The following SGCZ variants were observed in gnomAD, a reference collection of about 807,000 sequenced individuals.
The protein encoded by SGCZ is sarcoglycan zeta.
A neutral mutation model predicts 41.3 loss-of-function variants in SGCZ; 40 were observed. The ratio of observed to expected loss-of-function variants is 0.97; its 90% CI spans 0.75 to 1.26. The LOEUF (loss-of-function observed/expected upper bound fraction) is 1.26. SGCZ is among the 50% of genes most tolerant of loss of function. The probability of loss-of-function intolerance (pLI) is 0.00; values close to 1 mark genes in which losing one functional copy is unlikely to be tolerated. For synonymous variants in SGCZ, 206 were observed against 137.5 expected, an observed-to-expected ratio of 1.50 and a Z score of -3.49; for missense variants, 552 against 369.8, an observed-to-expected ratio of 1.49 and a Z score of -4.04.
In SGCZ at chr8:14,778,906, A is replaced by G. The variant is rs542263383; in HGVS notation, c.40-223980T>C. On this transcript the variant is annotated intron_variant, in intron 1 of 7. Transcript: ENST00000382080. ...GTTATATCGCCATTCGTGAAAACAC[A>G]TTAGGAATATCTTATAACATTAAAT... Among the ~76,000 whole-genome samples the G allele has an allele frequency of 7.2e-5, 11 of 152,304 alleles. No homozygotes were observed. The East Asian group carries it at 1.9e-3, about 27-fold the overall frequency.
intron 1 of SGCZ, among the ~76,000 whole-genome samples, chr8:14,699,861 C>T (rs1220639752): frequency 6.6e-6 from 1 of 151,946 alleles, no homozygotes; most frequent in African/African-American, 2.4e-5. Context: ...ATATGCTCAA[C>T]ACCACTAATC....
chr8:14,142,999 T>C (rs1187918558), intron 5 of SGCZ, among the ~76,000 whole-genome samples: 1 of 142,640 alleles, frequency 7.0e-6, no homozygotes, highest in Admixed American at 7.0e-5. Flanking sequence ...CTTTATAAAT[T>C]AAAAAAAAAA....
chr8:14,753,457 G>C (rs1047401975), intron 1 of SGCZ, among the ~76,000 whole-genome samples: 1 of 152,166 alleles, frequency 6.6e-6, no homozygotes, highest in Non-Finnish European at 1.5e-5. Flanking sequence ...TGTTGCTATA[G>C]CATTGAAGAA....
At chr8:14,629,579 A>T (rs28673941) in intron 1 of SGCZ, among the ~76,000 whole-genome samples, 103,908 of 151,846 alleles carry the variant, frequency 0.68, 35,751 homozygotes, top group East Asian at 0.78. Flanking sequence ...CTGTCCTCTT[A>T]GCCACTGGAA....
intron 1 of SGCZ, among the ~76,000 whole-genome samples, chr8:15,035,178 T>C (rs1002673896): frequency 4.6e-5 from 7 of 152,078 alleles, no homozygotes; most frequent in South Asian, 2.1e-4. Flanking sequence ...TATAAAGAGG[T>C]GTCAACTGTG....
intron 2 of SGCZ, among the ~76,000 whole-genome samples, chr8:14,336,973 G>C (rs866262717): frequency 6.6e-6 from 1 of 152,092 alleles, no homozygotes; most frequent in Non-Finnish European, 1.5e-5. Flanking sequence ...CTCTGGCACT[G>C]TTCCAGGTGT....
intron 1 of SGCZ, among the ~76,000 whole-genome samples, chr8:15,225,751 A>T (rs17472540): frequency 0.093 from 14,208 of 152,192 alleles, 857 homozygotes; most frequent in African/African-American, 0.17. Flanking sequence ...GGGAAAGTAG[A>T]TGAAAAGTGT....
At chr8:14,948,256 C>T (rs1585403890) in intron 1 of SGCZ, among the ~76,000 whole-genome samples, 1 of 152,198 alleles carries the variant, frequency 6.6e-6, no homozygotes, top group East Asian at 1.9e-4. Flanking sequence ...CAGAAACTGT[C>T]AAAGGACTTT....
intron 1 of SGCZ, among the ~76,000 whole-genome samples, chr8:14,674,906 A>T (rs1808220385): frequency 7.1e-6 from 1 of 139,942 alleles, no homozygotes; most frequent in African/African-American, 3.0e-5. Flanking sequence ...ACAGTGAGCC[A>T]ATTTAACCTC....
At chr8:14,599,252 C>T (rs1281702947) in intron 1 of SGCZ, among the ~76,000 whole-genome samples, 6 of 140,130 alleles carry the variant, frequency 4.3e-5, no homozygotes, top group African/African-American at 1.5e-4. Context: ...TTCCTCAAAT[C>T]CCTCCTTACC....
intron 1 of SGCZ, among the ~76,000 whole-genome samples, chr8:15,006,118 C>G (rs1349110167): frequency 2.0e-5 from 3 of 152,082 alleles, no homozygotes; most frequent in Admixed American, 6.5e-5. Context: ...TATATTTATG[C>G]ATTGTGGGAA....
chr8:14,603,212 T>C (rs924178817), intron 1 of SGCZ, among the ~76,000 whole-genome samples: 2 of 152,118 alleles, frequency 1.3e-5, no homozygotes, highest in African/African-American at 4.8e-5. Flanking sequence ...GCTTTTTTGA[T>C]CTAGAAAAAG....
intron 1 of SGCZ, among the ~76,000 whole-genome samples, chr8:14,893,624 A>G (rs576104878): frequency 1.3e-5 from 2 of 152,312 alleles, no homozygotes; most frequent in South Asian, 4.1e-4. Context: ...ATAAAGCTTT[A>G]TAAATAATGC....
chr8:15,191,783 G>C (rs1463803498), intron 1 of SGCZ, among the ~76,000 whole-genome samples: 1 of 151,984 alleles, frequency 6.6e-6, no homozygotes, highest in Non-Finnish European at 1.5e-5. Context: ...AGTGAGTGAA[G>C]TCTTTGTTTA....
At chr8:14,379,426 A>G (rs1804271030) in intron 2 of SGCZ, among the ~76,000 whole-genome samples, 1 of 152,178 alleles carries the variant, frequency 6.6e-6, no homozygotes, top group Non-Finnish European at 1.5e-5. Flanking sequence ...GGAAATTTGC[A>G]AAACCTATAT....
At chr8:15,051,902 T>C (rs750874472) in intron 1 of SGCZ, among the ~76,000 whole-genome samples, 21 of 152,154 alleles carry the variant, frequency 1.4e-4, no homozygotes, top group Non-Finnish European at 2.6e-4. Flanking sequence ...TGGAAGGAGA[T>C]AGCACAATTT....
At chr8:15,141,839 T>G (rs750576762) in intron 1 of SGCZ, among the ~76,000 whole-genome samples, 11 of 151,234 alleles carry the variant, frequency 7.3e-5, no homozygotes, top group Non-Finnish European at 1.0e-4. Context: ...AAGCGGAGAT[T>G]GCAGTGAGCC....
At chr8:14,389,610 G>C (rs1403874461) in intron 2 of SGCZ, among the ~76,000 whole-genome samples, 2 of 151,834 alleles carry the variant, frequency 1.3e-5, no homozygotes, top group African/African-American at 4.8e-5. Flanking sequence ...TTAGACAAAA[G>C]CTTAGAGAAT....
intron 1 of SGCZ, among the ~76,000 whole-genome samples, chr8:15,200,282 T>C (rs575665264): frequency 1.3e-4 from 20 of 152,338 alleles, no homozygotes; most frequent in African/African-American, 4.8e-4. Context: ...TGGCTCTTGA[T>C]ACTTGGATCT....
Sources: allele counts gnomAD v4.1 joint callset (sites outside exome capture counted in the v4.1 genomes callset), GRCh38; gene constraint gnomAD v4.1.1; transcripts MANE v1.5; gene names NCBI Gene and HGNC (gene_info 2026-07-23, HGNC 2026-07-21).